TEX2: variants seen among roughly 807,000 people sequenced by gnomAD.
TEX2 encodes the protein testis-expressed protein 2.
A neutral mutation model predicts 106.9 loss-of-function variants in TEX2; 53 were observed. The ratio of observed to expected loss-of-function variants is 0.50; its 90% CI spans 0.40 to 0.62. TEX2 has a LOEUF of 0.62. Ranked by LOEUF, TEX2 falls within the 20% of genes least tolerant of loss-of-function variation. TEX2 has a pLI of 0.00. For synonymous variants in TEX2, 523 were observed against 534.8 expected, an observed-to-expected ratio of 0.98 and a Z score of 0.30; for missense variants, 1,207 against 1,379.0, an observed-to-expected ratio of 0.88 and a Z score of 1.98.
rs1348138952 is a variant in TEX2, at chr17:64,150,842, T to C, written c.3260A>G (p.Gln1087Arg). The change falls in exon 11 of 12, where the codon CAG (glutamine) becomes CGG (arginine). Residue 1087 changes from glutamine (Q) to arginine (R), a missense_variant and splice_region_variant. Coordinates refer to ENST00000584379, the MANE Select transcript of TEX2 (RefSeq NM_001288732.2). ...WIEKKLEQEF[Q>R]KVFVMPNMDD... ...TACTAGATAACACTAGAGGTTTACC[T>C]GAAACTCTTGCTCCAGTTTCTTCTC... 6.2e-7 allele frequency: 1 copy of C among 1,612,790 alleles called. No individual in the cohort carries two copies. The highest frequency in any genetic ancestry group is 2.2e-5 in the East Asian group (1 of 44,872).
chr17:64,242,850 C>A (rs2143417348), intron 1 of TEX2, among the ~76,000 whole-genome samples: 1 of 152,104 alleles, frequency 6.6e-6, no homozygotes, highest in East Asian at 1.9e-4. Context: ...CGTTTGGAAG[C>A]CAAGGTGGGA....
chr17:64,221,576 T>A (rs1436974474), intron 1 of TEX2, among the ~76,000 whole-genome samples: 4 of 151,606 alleles, frequency 2.6e-5, no homozygotes, highest in African/African-American at 9.7e-5. Flanking sequence ...GAGATTAGAG[T>A]TTTTGTGCAC....
Position 64,193,732 on chromosome 17 carries a change from G to A in TEX2, c.2003C>T (p.Pro668Leu). Residue 668 changes from proline (P) to leucine (L), a missense_variant, in exon 4 of 12, where the codon CCT (proline) becomes CTT (leucine). By Grantham distance (98) the Pro-to-Leu change is moderately conservative. This residue lies in a region of TEX2 where 1,067 missense variants were observed against 1,193.6 expected (regional missense o/e 0.89). Coordinates refer to ENST00000584379, the MANE Select transcript of TEX2 (RefSeq NM_001288732.2). ...CTCCTGAGGGCGGGGTGGCTTCTTA[G>A]GGTCCTCACTTCCCTCAGCTGGCGG... ...EKPPAEGSEDPKKPPRPQEGT... is the reference protein window; with the variant it reads ...EKPPAEGSEDLKKPPRPQEGT... 1 of 1,613,394 alleles carries A rather than the reference G, an allele frequency of 6.2e-7. No individual in the cohort carries two copies. Among genetic ancestry groups the A allele is most frequent in the Non-Finnish European group, 8.5e-7 (1 of 1,179,614 alleles).
intron 1 of TEX2, among the ~76,000 whole-genome samples, chr17:64,254,913 G>A (rs1249730226): frequency 3.9e-5 from 6 of 152,078 alleles, no homozygotes; most frequent in East Asian, 1.9e-4. Context: ...CAACGCTGTG[G>A]TGCAGTGGTG....
intron 1 of TEX2, among the ~76,000 whole-genome samples, chr17:64,223,203 T>A (rs2033408397): frequency 1.3e-5 from 2 of 152,150 alleles, no homozygotes; most frequent in South Asian, 4.2e-4. Flanking sequence ...GTTTATTTGC[T>A]TTCTGTTCAC....
intron 1 of TEX2, among the ~76,000 whole-genome samples, chr17:64,254,776 A>G (rs1485720441): frequency 1.3e-5 from 2 of 152,216 alleles, no homozygotes; most frequent in Non-Finnish European, 2.9e-5. Context: ...TGTAAAATTC[A>G]TTTGCTAAGA....
chr17:64,236,573 G>T (rs547855047), intron 1 of TEX2, among the ~76,000 whole-genome samples: 49 of 152,214 alleles, frequency 3.2e-4, no homozygotes, highest in African/African-American at 1.2e-3. Flanking sequence ...GTATATGGGA[G>T]GATGTGCATA....
intron 1 of TEX2, among the ~76,000 whole-genome samples, chr17:64,257,387 A>G (rs1484030636): frequency 6.6e-6 from 1 of 152,262 alleles, no homozygotes; most frequent in Admixed American, 6.5e-5. Flanking sequence ...TAATTCTTTA[A>G]GTTTAACAAA....
chr17:64,177,915 C>T (rs1429248174), intron 5 of TEX2, among the ~76,000 whole-genome samples: 4 of 152,200 alleles, frequency 2.6e-5, no homozygotes, highest in African/African-American at 9.6e-5. Flanking sequence ...GACTCAAGTT[C>T]AGCCTGAACC....
intron 4 of TEX2, 44 bp downstream of exon 4, chr17:64,193,515 T>C (rs2032367503): frequency 1.4e-6 from 2 of 1,388,144 alleles, no homozygotes. Context: ...TTCTCCCTAG[T>C]GGCCCTTTAA....
chr17:64,250,197 G>T (rs1452023758), intron 1 of TEX2, among the ~76,000 whole-genome samples: 1 of 152,200 alleles, frequency 6.6e-6, no homozygotes, highest in Non-Finnish European at 1.5e-5. Flanking sequence ...TAACCGTCAA[G>T]CAGTCACTTC....
In TEX2 at chr17:64,160,814, T is replaced by C. The variant is rs759932047; in HGVS notation, c.2791A>G (p.Ile931Val). The C allele has an allele frequency of 7.4e-6, 12 of 1,614,058 alleles. No individual in the cohort carries two copies. The East Asian group carries it at 2.7e-4, about 36-fold the overall frequency. The change falls in exon 8 of 12, where the codon ATT becomes GTT. Residue 931 changes from isoleucine to valine, a missense_variant. Transcript: ENST00000584379. ...ATAGCCCCTTACCCTTCTTTGCCAA[T>C]TTCTCCAACCTTCAGGGCTTCAACA... is the stretch of plus-strand genomic sequence containing the variant. ...PLVEALKVGE[I>V]GKEGCRPRAF...
chr17:64,208,230 T>C (rs187776127), intron 2 of TEX2, among the ~76,000 whole-genome samples: 1 of 152,242 alleles, frequency 6.6e-6, no homozygotes. Flanking sequence ...TGTTTTGTTT[T>C]TGTTTTTGTT....
At chr17:64,211,704 T>TGGG (rs111245317) in intron 2 of TEX2, among the ~76,000 whole-genome samples, 31 of 151,842 alleles carry the variant, frequency 2.0e-4, no homozygotes, top group African/African-American at 7.5e-4. Context: ...TTGGTATCCT[T>TGGG]GGGGGGGGTC....
chr17:64,223,426 T>C (rs2033417051), intron 1 of TEX2, among the ~76,000 whole-genome samples: 1 of 150,436 alleles, frequency 6.6e-6, no homozygotes, highest in African/African-American at 2.4e-5. Flanking sequence ...TTCCTAGCTC[T>C]GTCTTTCACA....
chr17:64,209,526 T>C (rs2032933960), intron 2 of TEX2, among the ~76,000 whole-genome samples: 1 of 152,202 alleles, frequency 6.6e-6, no homozygotes, highest in Non-Finnish European at 1.5e-5. Flanking sequence ...GAAGAATAAA[T>C]GCTTAGTCTA....
rs1168973045 is a variant in TEX2, at chr17:64,185,662, G to A, written c.2424+2506C>T. Among the ~76,000 whole-genome samples the A allele has an allele frequency of 6.6e-6, 1 of 152,054 alleles. No individual in the cohort carries two copies. The highest frequency in any genetic ancestry group is 1.5e-5 in the Non-Finnish European group (1 of 68,016). Reference sequence around the variant, plus strand: ...TCAGAGGCCAGGCACAGTGGCTCACGCTGTAATTCCACCACTTTGGGAGGC... The same window carrying A: ...TCAGAGGCCAGGCACAGTGGCTCACACTGTAATTCCACCACTTTGGGAGGC... On this transcript the variant is annotated intron_variant, in intron 5 of 11. Transcript: ENST00000584379. The surrounding 1 kb of genome is among the most constrained non-coding windows in gnomAD (Gnocchi z 4.0).
At chr17:64,191,354 TG>T (rs1049465900) in intron 4 of TEX2, among the ~76,000 whole-genome samples, 1 of 152,184 alleles carries the variant, frequency 6.6e-6, no homozygotes, top group African/African-American at 2.4e-5. Context: ...GAAGGTGCTC[TG>T]GGGGGCCCCT....
rs1386209551 is a variant in TEX2 at position 64,213,034 on chromosome 17, A to G, written c.1184T>C (p.Leu395Pro). The change falls in exon 2 of 12, where the codon CTG becomes CCG. Residue 395 changes from leucine to proline, a missense_variant. Physicochemically the swap from Leu to Pro is moderately conservative, Grantham distance 98 (BLOSUM62 -3). Coordinates refer to ENST00000584379, the MANE Select transcript of TEX2 (RefSeq NM_001288732.2). The surrounding 1 kb of genome is among the most constrained non-coding windows in gnomAD (Gnocchi z 4.4). ...SQGSSLKDLGLKTSSLVLEKC... is the reference protein window; with the variant it reads ...SQGSSLKDLGPKTSSLVLEKC... ...CTCCAGAACTAGAGAACTTGTCTTCAGGCCTAAATCCTTCAGACTGCTCCC... is the reference window on the plus strand; with the variant it reads ...CTCCAGAACTAGAGAACTTGTCTTCGGGCCTAAATCCTTCAGACTGCTCCC... 1 of 1,614,120 alleles carries G rather than the reference A, an allele frequency of 6.2e-7. No homozygotes were observed. The highest frequency in any genetic ancestry group is 8.5e-7 in the Non-Finnish European group (1 of 1,180,054).
Sources: allele counts gnomAD v4.1 joint callset (sites outside exome capture counted in the v4.1 genomes callset), GRCh38; gene constraint gnomAD v4.1.1; regional missense constraint gnomAD v4.1.1; non-coding constraint Gnocchi (gnomAD v3.1); transcripts MANE v1.5; gene names NCBI Gene and HGNC (gene_info 2026-07-23, HGNC 2026-07-21).